MYH15: variants seen among roughly 807,000 people sequenced by gnomAD.
The protein encoded by MYH15 is myosin-15.
A neutral mutation model predicts 240.5 loss-of-function variants in MYH15; 227 were observed. The observed-to-expected ratio is 0.94, with a 90% CI of 0.85 to 1.05. The LOEUF (loss-of-function observed/expected upper bound fraction) is 1.05. Among genes scored for constraint, MYH15 ranks in the 50% least tolerant of loss-of-function variants. The probability of loss-of-function intolerance (pLI) is 0.00; values close to 1 mark genes in which losing one functional copy is unlikely to be tolerated. For synonymous variants in MYH15, 785 were observed against 796.7 expected, an observed-to-expected ratio of 0.99 and a Z score of 0.25; for missense variants, 2,217 against 2,247.5, an observed-to-expected ratio of 0.99 and a Z score of 0.27.
chr3:108,464,725 A>C lies in MYH15; in HGVS notation c.1644T>G (p.His548Gln). 1 of 1,613,928 alleles carries C rather than the reference A, an allele frequency of 6.2e-7. No homozygotes were observed. Among genetic ancestry groups the C allele is most frequent in the Non-Finnish European group, 8.5e-7 (1 of 1,179,858 alleles). ...TCTGGAGATGAACCGACTTTCCAAA[A>C]TGGTTGTCAAAGAGTTTGGTCTTGA... The part of the protein sequence containing the change: ...LTFKTKLFDN[H>Q]FGKSVHLQKP... The change falls in exon 15 of 41, where the codon CAT becomes CAG. Residue 548 changes from histidine to glutamine, a missense_variant. Coordinates refer to ENST00000693548, the MANE Select transcript of MYH15 (RefSeq NM_014981.3).
In MYH15 at chr3:108,463,260, A is replaced by G; in HGVS notation, c.1732-17T>C. On this transcript the variant is annotated splice_polypyrimidine_tract_variant and intron_variant, in intron 15 of 40. Transcript: ENST00000693548. ...ATAAGGTACCTTTGGAAAGGCATGC[A>G]TTTCAGGTTAAAAAAAGAAAAAAAA... 1 of 1,583,518 alleles carries G rather than the reference A, an allele frequency of 6.3e-7. No individual in the cohort carries two copies.
At chr3:108,414,141 T>A in intron 30 of MYH15, 91 bp downstream of exon 30, 2 of 1,358,746 alleles carry the variant, frequency 1.5e-6, no homozygotes, top group Non-Finnish European at 2.0e-6. Context: ...ATTTGTTAAG[T>A]GCATACCATG....
chr3:108,447,106 T>C (rs2082935011), intron 21 of MYH15, among the ~76,000 whole-genome samples: 1 of 152,068 alleles, frequency 6.6e-6, no homozygotes, highest in Non-Finnish European at 1.5e-5. Context: ...CCATGGAAAG[T>C]ATAAATGCAA....
intron 9 of MYH15, among the ~76,000 whole-genome samples, chr3:108,488,361 G>T (rs937057086): frequency 6.6e-6 from 1 of 152,084 alleles, no homozygotes; most frequent in Non-Finnish European, 1.5e-5. Context: ...AAGCTAAGGT[G>T]CAGTGGCATG....
At chr3:108,466,171 G>C (rs1471326642) in intron 14 of MYH15, among the ~76,000 whole-genome samples, 1 of 152,144 alleles carries the variant, frequency 6.6e-6, no homozygotes, top group Non-Finnish European at 1.5e-5. Context: ...CTGACCCCTG[G>C]TCTAGAATAG....
Position 108,455,811 on chromosome 3 carries a change from G to A in MYH15, c.2187C>T (p.Ser729=). 9.3e-6 allele frequency: 15 copies of A among 1,613,204 alleles called. No individual in the cohort carries two copies. Among genetic ancestry groups the A allele is most frequent in the Non-Finnish European group, 1.3e-5 (15 of 1,179,270 alleles). Residue 729 remains serine (S), a synonymous_variant, in exon 20 of 41, where the codon AGC becomes AGT. Transcript: ENST00000693548. Reference sequence around the variant, plus strand: ...GTAATTCTTCAGCTGCTTTTCTGCTGCTCACAAACTTGCTCTTTGGAAAGG... The same window carrying A: ...GTAATTCTTCAGCTGCTTTTCTGCTACTCACAAACTTGCTCTTTGGAAAGG... ...PRTFPKSKFV[S]SRKAAEELLG... is the part of the protein sequence containing the mutation.
At chr3:108,410,998 C>T (rs2082589013) in intron 30 of MYH15, 66 bp from the exon 31 acceptor site, 4 of 1,368,228 alleles carry the variant, frequency 2.9e-6, no homozygotes, top group Admixed American at 4.5e-5. Flanking sequence ...TCAAGTCTGC[C>T]CTGGATTAAA....
intron 12 of MYH15, among the ~76,000 whole-genome samples, chr3:108,475,788 C>T (rs749355700): frequency 1.4e-4 from 22 of 152,164 alleles, no homozygotes; most frequent in Non-Finnish European, 5.9e-5. Context: ...TACTAGCATG[C>T]TTAGATGGTC....
chr3:108,433,593 G>C (rs2082799326), intron 25 of MYH15, among the ~76,000 whole-genome samples: 1 of 152,134 alleles, frequency 6.6e-6, no homozygotes, highest in Non-Finnish European at 1.5e-5. Flanking sequence ...GGAGGTAATT[G>C]AATCATGGGG....
upstream of MYH15, among the ~76,000 whole-genome samples, chr3:108,532,385 T>A (rs1228441381): frequency 6.6e-6 from 1 of 152,188 alleles, no homozygotes; most frequent in African/African-American, 2.4e-5. Flanking sequence ...CCTGTTTGAC[T>A]CCTTAGAGCT....
chr3:108,531,472 G>T (rs999704150), upstream of MYH15, among the ~76,000 whole-genome samples: 1 of 152,160 alleles, frequency 6.6e-6, no homozygotes, highest in African/African-American at 2.4e-5. Flanking sequence ...TTTGCAGCAG[G>T]TCTCCAAGGT....
At chr3:108,500,360 C>A in intron 3 of MYH15, 86 bp from the exon 4 acceptor site, 7 of 1,374,380 alleles carry the variant, frequency 5.1e-6, no homozygotes, top group Non-Finnish European at 6.9e-6. Flanking sequence ...GTAATATTTG[C>A]TCAAATATTA....
At chr3:108,428,948 T>A (rs2082752681) in intron 26 of MYH15, 67 bp from the exon 27 acceptor site, 4 of 1,447,602 alleles carry the variant, frequency 2.8e-6, no homozygotes, top group Non-Finnish European at 3.7e-6. Context: ...TATTTTTTTT[T>A]AATCACAAAG....
intron 33 of MYH15, among the ~76,000 whole-genome samples, chr3:108,403,615 C>A (rs116235995): frequency 0.017 from 2,638 of 151,736 alleles, 62 homozygotes; most frequent in African/African-American, 0.06. Context: ...GTGCTCAGAG[C>A]AGAAAGGGTC....
intron 1 of MYH15, among the ~76,000 whole-genome samples, chr3:108,507,657 G>A (rs1486135181): frequency 6.6e-6 from 1 of 152,148 alleles, no homozygotes; most frequent in Non-Finnish European, 1.5e-5. Context: ...CTTGCTATCA[G>A]TGCTGCCTTC....
At chr3:108,463,960 C>CA (rs148443145) in intron 15 of MYH15, among the ~76,000 whole-genome samples, 12,362 of 144,670 alleles carry the variant, frequency 0.085, 552 homozygotes, top group Middle Eastern at 0.11. Context: ...AGTGAACATT[C>CA]AAAAAAAAAA....
At chr3:108,456,582 A>C (rs1182715816) in intron 19 of MYH15, among the ~76,000 whole-genome samples, 184 bp downstream of exon 19, 2 of 152,192 alleles carry the variant, frequency 1.3e-5, no homozygotes, top group Admixed American at 6.5e-5. Context: ...AGTTACATGG[A>C]TGTTGGATTT....
At chr3:108,530,792 T>C (rs190006347), upstream of MYH15, among the ~76,000 whole-genome samples, 293 of 152,120 alleles carry the variant, frequency 1.9e-3, no homozygotes, top group Admixed American at 5.1e-3. Context: ...ACAGCTTAAA[T>C]GAGAAGAAAA....
At chr3:108,424,933 C>T (rs1576225363) in intron 27 of MYH15, among the ~76,000 whole-genome samples, 1 of 152,250 alleles carries the variant, frequency 6.6e-6, no homozygotes, top group South Asian at 2.1e-4. Flanking sequence ...TCTATGAGCT[C>T]CAAGAGGTAT....
Sources: allele counts gnomAD v4.1 joint callset (sites outside exome capture counted in the v4.1 genomes callset), GRCh38; gene constraint gnomAD v4.1.1; transcripts MANE v1.5; gene names NCBI Gene and HGNC (gene_info 2026-07-23, HGNC 2026-07-21).